Variants in SCOC observed in about 807,000 individuals in gnomAD.
SCOC encodes short coiled coil protein.
Under a neutral mutation model 9.9 loss-of-function variants are expected in SCOC, and 7 were observed. The observed-to-expected ratio is 0.71, with a 90% CI of 0.40 to 1.33. SCOC has a LOEUF of 1.33. Ranked by LOEUF, SCOC falls within the 40% of genes most tolerant of loss-of-function variation. The probability of loss-of-function intolerance (pLI) is 0.01; values close to 1 mark genes in which losing one functional copy is unlikely to be tolerated. For missense variants in SCOC, 66 were observed against 89.7 expected (o/e 0.74, Z 1.07); for synonymous variants, 19 against 28.2 (o/e 0.67, Z 1.03).
At chr4:140,369,236 T>TACTA (rs1727935586), upstream of SCOC, 1 of 443,150 alleles carries the variant, frequency 2.3e-6, no homozygotes, top group Admixed American at 2.5e-5. Context: ...GAGTATAGTA[T>TACTA]ACTAGGCTGT....
chr4:140,379,257 A>G (rs2126600655), intron 2 of SCOC, 65 bp downstream of exon 2: 1 of 1,056,678 alleles, frequency 9.5e-7, no homozygotes, highest in Non-Finnish European at 1.5e-6. Flanking sequence ...TTATTAAGCA[A>G]TGGAAAGGGC....
chr4:140,368,656 G>C (rs1442305020), upstream of SCOC, among the ~76,000 whole-genome samples: 1 of 152,156 alleles, frequency 6.6e-6, no homozygotes, highest in Non-Finnish European at 1.5e-5. Flanking sequence ...AGTATTTAAA[G>C]GGGAAAAGTG....
chr4:140,346,857 A>G (rs1445323853), intron 2 of SCOC, among the ~76,000 whole-genome samples: 2 of 152,174 alleles, frequency 1.3e-5, no homozygotes, highest in Admixed American at 6.5e-5. Context: ...CAGGGGTTCT[A>G]TGAGGGCATC....
intron 1 of SCOC, among the ~76,000 whole-genome samples, chr4:140,262,208 A>G (rs1414917321): frequency 6.6e-6 from 1 of 152,206 alleles, no homozygotes; most frequent in Non-Finnish European, 1.5e-5. Flanking sequence ...GTACTAGACT[A>G]GTGCCTCCGT....
rs1728633663 is a variant in SCOC at position 140,383,775 on chromosome 4, A to C, written c.*2671A>C. 6.6e-6 allele frequency: 1 copy of C among 152,106 alleles called. No homozygotes were observed. The highest frequency in any genetic ancestry group is 6.5e-5 in the Admixed American group (1 of 15,270). 9.4% of individuals were successfully genotyped at this position (152,106 alleles called of 1,614,324 possible). A position where few individuals can be genotyped will look rare whatever the true frequency, so the allele number is the denominator to read the frequency against. On this transcript the variant is annotated 3_prime_UTR_variant, in exon 4 of 4. Transcript: ENST00000608372. ...TCTGTGGAATACGATTCTCTCAAAA[A>C]CTCAAGCCTTTTTATCAGTGTGCTT...
chr4:140,301,577 C>T (rs933843029), intron 1 of SCOC, among the ~76,000 whole-genome samples: 1 of 152,158 alleles, frequency 6.6e-6, no homozygotes, highest in African/African-American at 2.4e-5. Flanking sequence ...TCACCAGCAA[C>T]GTTCTGGACC....
chr4:140,368,657 G>C (rs1469990848), upstream of SCOC, among the ~76,000 whole-genome samples: 1 of 152,156 alleles, frequency 6.6e-6, no homozygotes. Context: ...GTATTTAAAG[G>C]GGAAAAGTGG....
chr4:140,315,938 CG>C (rs1732304597), intron 1 of SCOC, among the ~76,000 whole-genome samples: 1 of 152,014 alleles, frequency 6.6e-6, no homozygotes, highest in Non-Finnish European at 1.5e-5. Flanking sequence ...GTGGCTTTTT[CG>C]GTGGTGAAAC....
chr4:140,347,459 T>C (rs1726787892), intron 2 of SCOC, among the ~76,000 whole-genome samples: 1 of 152,198 alleles, frequency 6.6e-6, no homozygotes, highest in Non-Finnish European at 1.5e-5. Flanking sequence ...TCCACTCCCC[T>C]GGCTTTGATG....
intron 2 of SCOC, among the ~76,000 whole-genome samples, chr4:140,348,758 G>T (rs1234492723): frequency 2.7e-5 from 4 of 150,266 alleles, no homozygotes; most frequent in Non-Finnish European, 1.5e-5. Flanking sequence ...TCATATGGTA[G>T]TTCCAGTTTT....
intron 1 of SCOC, chr4:140,343,509 A>T: frequency 1.6e-6 from 1 of 639,486 alleles, no homozygotes; most frequent in Non-Finnish European, 2.8e-6. Context: ...GAGGGTGGCT[A>T]GTGCAAGGAT....
Position 140,304,051 on chromosome 4 carries a change from C to G in SCOC, c.-18-39570C>G, listed in dbSNP as rs150630370. ...GTTCATTGTATCATTTGAGAGATGA[C>G]ACACATACAACTATCCATCACATCA... On this transcript the variant is annotated intron_variant, in intron 1 of 4. Transcript: ENST00000394205. 2.4e-3 allele frequency among the ~76,000 whole-genome samples: 370 copies of G among 152,276 alleles called. 2 individuals are homozygous for G. Among genetic ancestry groups the G allele is most frequent in the African/African-American group, 8.4e-3 (347 of 41,540 alleles).
chr4:140,372,669 G>A (rs1728104722), upstream of SCOC, among the ~76,000 whole-genome samples: 1 of 152,162 alleles, frequency 6.6e-6, no homozygotes, highest in Admixed American at 6.5e-5. Context: ...CTCTTAAAAT[G>A]ATTAAGGCGA....
At position 140,382,257 on chromosome 4, in the gene SCOC, A is replaced by C. The variant is rs1379400032; in HGVS notation, c.*1153A>C. 1 of 152,228 alleles carries C rather than the reference A, an allele frequency of 6.6e-6. No individual in the cohort carries two copies. The highest frequency in any genetic ancestry group is 1.9e-4 in the East Asian group (1 of 5,198). The allele number at this position is 152,228 out of a possible 1,614,324, so 9.4% of individuals were successfully genotyped here. A position where few individuals can be genotyped will look rare whatever the true frequency, so the allele number is the denominator to read the frequency against. On this transcript the variant is annotated 3_prime_UTR_variant, in exon 4 of 4. Transcript: ENST00000608372. ...GAAGAGTTTTAGTCATCCTTTAACA[A>C]TTTTTAAAAATTTAGCTTCTAGATT...
At chr4:140,316,885 T>A (rs547952396) in intron 1 of SCOC, among the ~76,000 whole-genome samples, 26 of 152,302 alleles carry the variant, frequency 1.7e-4, no homozygotes, top group Admixed American at 3.3e-4. Context: ...ATCTCTTTAT[T>A]TTCTAGAAAT....
chr4:140,264,064 ATCACTGT>A (rs1730686202), intron 1 of SCOC, among the ~76,000 whole-genome samples: 1 of 152,136 alleles, frequency 6.6e-6, no homozygotes, highest in African/African-American at 2.4e-5. Context: ...CAGTGGTACA[ATCACTGT>A]TCACTTCAGC....
chr4:140,382,435 G>T lies in SCOC; in HGVS notation c.*1331G>T, dbSNP rs1053265428. The T allele has an allele frequency of 1.3e-5, 2 of 152,584 alleles. No homozygotes were observed. Among genetic ancestry groups the T allele is most frequent in the East Asian group, 3.9e-4 (2 of 5,194 alleles). 9.5% of individuals were successfully genotyped at this position (152,584 alleles called of 1,614,324 possible). On this transcript the variant is annotated 3_prime_UTR_variant, in exon 4 of 4. Coordinates refer to ENST00000608372, the MANE Select transcript of SCOC (RefSeq NM_001153484.2). ...TAAGAGTTGATGAATGACTTTAGCT[G>T]TGTGAATATATAATAGTCAAACTGC...
chr4:140,353,577 A>T (rs1238061954), intron 2 of SCOC, among the ~76,000 whole-genome samples: 1 of 151,810 alleles, frequency 6.6e-6, no homozygotes, highest in African/African-American at 2.4e-5. Flanking sequence ...CGCCCGGCTA[A>T]TTTTTTTGTA....
At chr4:140,267,346 T>C (rs1243348220) in intron 1 of SCOC, among the ~76,000 whole-genome samples, 2 of 152,126 alleles carry the variant, frequency 1.3e-5, no homozygotes, top group East Asian at 3.9e-4. Flanking sequence ...GCTTGAGACC[T>C]TTGAACGTGA....
Sources: gnomAD v4.1 joint callset for allele counts (sites outside exome capture counted in the v4.1 genomes callset) on GRCh38, gnomAD v4.1.1 for gene constraint, MANE v1.5 for transcripts, NCBI Gene and HGNC (gene_info 2026-07-23, HGNC 2026-07-21) for gene names.